Variants in KLF12 observed in about 807,000 individuals in gnomAD.
The protein encoded by KLF12 is Krueppel-like factor 12.
KLF12 carries 9 observed loss-of-function variants against 37.8 expected under a neutral mutation model. The ratio of observed to expected loss-of-function variants is 0.24; its 90% CI spans 0.14 to 0.42. The LOEUF is 0.42. Ranked by LOEUF, KLF12 falls within the 10% of genes least tolerant of loss-of-function variation. KLF12 has a pLI of 1.00. For synonymous variants in KLF12, 208 were observed against 202.1 expected (o/e 1.03, Z -0.25); for missense variants, 411 against 516.0 (o/e 0.80, Z 1.97).
the KLF12 span, among the ~76,000 whole-genome samples, chr13:74,266,139 G>A: frequency 6.6e-6 from 1 of 152,176 alleles, no homozygotes; most frequent in African/African-American, 2.4e-5. Context: ...AACTCTACCT[G>A]GCAGCCCATT....
chr13:74,124,483 A>G (rs1279225776), intron 1 of KLF12, among the ~76,000 whole-genome samples: 2 of 152,172 alleles, frequency 1.3e-5, no homozygotes, highest in African/African-American at 4.8e-5. Flanking sequence ...TTTTTTTGTC[A>G]AAGTTAAAAT....
chr13:74,104,015 C>G (rs577263308), intron 1 of KLF12, among the ~76,000 whole-genome samples: 88 of 152,228 alleles, frequency 5.8e-4, no homozygotes, highest in African/African-American at 2.0e-3. Context: ...AATAATTACC[C>G]TTAATTTTTC....
chr13:74,128,919 G>A (rs1878103607), intron 1 of KLF12, among the ~76,000 whole-genome samples: 1 of 151,870 alleles, frequency 6.6e-6, no homozygotes, highest in Admixed American at 6.6e-5. Flanking sequence ...GTGTGTGTGG[G>A]TGGGTTATGT....
At chr13:73,856,291 C>T (rs1290524148) in intron 3 of KLF12, among the ~76,000 whole-genome samples, 1 of 152,158 alleles carries the variant, frequency 6.6e-6, no homozygotes. Flanking sequence ...ACCCTCAGCT[C>T]AATGTTCCTC....
chr13:74,103,019 CTAAAG>C (rs1015693915), intron 1 of KLF12, among the ~76,000 whole-genome samples: 12 of 152,272 alleles, frequency 7.9e-5, no homozygotes, highest in African/African-American at 2.9e-4. Context: ...GTAACACACT[CTAAAG>C]TATTTATGGA....
intron 1 of KLF12, among the ~76,000 whole-genome samples, chr13:74,078,280 T>C (rs1228664802): frequency 2.6e-5 from 4 of 152,190 alleles, no homozygotes; most frequent in African/African-American, 4.8e-5. Flanking sequence ...CTTTCATAAA[T>C]TGTCACAGTG....
At chr13:74,076,794 C>A (rs1039466419) in intron 1 of KLF12, among the ~76,000 whole-genome samples, 1 of 152,140 alleles carries the variant, frequency 6.6e-6, no homozygotes, top group African/African-American at 2.4e-5. Context: ...TCTCCCTCCT[C>A]CCACCCTCCA....
At chr13:74,171,870 G>C in the KLF12 span, among the ~76,000 whole-genome samples, 2 of 152,164 alleles carry the variant, frequency 1.3e-5, no homozygotes, top group African/African-American at 2.4e-5. Context: ...TATAGTTAGT[G>C]TATAATAGAA....
the KLF12 span, among the ~76,000 whole-genome samples, chr13:74,154,059 C>A: frequency 1.6e-5 from 2 of 127,468 alleles, no homozygotes; most frequent in Non-Finnish European, 3.4e-5. Flanking sequence ...AACCCCGTCT[C>A]TAGTAAAATA....
chr13:73,690,717 T>C lies in KLF12; in HGVS notation c.*4773A>G, dbSNP rs544163632. 36 of 152,630 alleles carry C rather than the reference T, an allele frequency of 2.4e-4. No homozygotes were observed. The highest frequency in any genetic ancestry group is 8.7e-4 in the African/African-American group (36 of 41,568). 9.5% of individuals were successfully genotyped at this position (152,630 alleles called of 1,614,324 possible). A position where few individuals can be genotyped will look rare whatever the true frequency, so the allele number is the denominator to read the frequency against. The stretch of plus-strand genomic sequence containing the variant: ...TACAAGGCATATCTGAACAAGTTTT[T>C]TCTTTTTATTGTGATGAAAACTAGA... On this transcript the variant is annotated 3_prime_UTR_variant, in exon 8 of 8. Coordinates refer to ENST00000377669, the MANE Select transcript of KLF12 (RefSeq NM_007249.5).
the KLF12 span, among the ~76,000 whole-genome samples, chr13:74,201,457 T>C: frequency 6.6e-6 from 1 of 152,212 alleles, no homozygotes; most frequent in East Asian, 1.9e-4. Flanking sequence ...AAATTATGTT[T>C]TGTTCTCCTT....
chr13:73,823,776 T>A (rs1448517093), intron 4 of KLF12, among the ~76,000 whole-genome samples: 1 of 152,110 alleles, frequency 6.6e-6, no homozygotes, highest in Non-Finnish European at 1.5e-5. Flanking sequence ...AATGGTGTGA[T>A]CTTGGCTCAC....
chr13:74,241,784 T>C, the KLF12 span, among the ~76,000 whole-genome samples: 1 of 152,218 alleles, frequency 6.6e-6, no homozygotes, highest in East Asian at 1.9e-4. Flanking sequence ...AGTGAGGCAA[T>C]GCCTCGCCCT....
chr13:73,736,055 C>T (rs1328902068), intron 6 of KLF12, among the ~76,000 whole-genome samples: 1 of 151,950 alleles, frequency 6.6e-6, no homozygotes. Flanking sequence ...CCTCTCTCAC[C>T]TATGCTATCC....
At chr13:74,171,262 G>C in the KLF12 span, among the ~76,000 whole-genome samples, 1 of 152,106 alleles carries the variant, frequency 6.6e-6, no homozygotes, top group Non-Finnish European at 1.5e-5. Context: ...CACATTTTCT[G>C]CCCAAGTCTG....
At chr13:74,094,710 C>T (rs934250056) in intron 1 of KLF12, among the ~76,000 whole-genome samples, 2 of 151,940 alleles carry the variant, frequency 1.3e-5, no homozygotes, top group Non-Finnish European at 2.9e-5. Flanking sequence ...AGTGATTCTC[C>T]TGCCTCAACC....
chr13:74,260,016 G>A, the KLF12 span: 36 of 152,210 alleles, frequency 2.4e-4, no homozygotes, highest in African/African-American at 8.7e-4. Context: ...CATTTTTCTA[G>A]TGAATTTATA....
chr13:74,178,960 C>T, the KLF12 span, among the ~76,000 whole-genome samples: 3 of 152,178 alleles, frequency 2.0e-5, no homozygotes, highest in Admixed American at 2.0e-4. Context: ...AAAATATAAC[C>T]TCTAACTTAT....
chr13:74,136,057 T>C (rs1275176433), upstream of KLF12, among the ~76,000 whole-genome samples: 2 of 152,172 alleles, frequency 1.3e-5, no homozygotes, highest in Non-Finnish European at 2.9e-5. Flanking sequence ...CAGCCTAAGA[T>C]GCGTCTTAGG....
Sources: allele counts gnomAD v4.1 joint callset (sites outside exome capture counted in the v4.1 genomes callset), GRCh38; gene constraint gnomAD v4.1.1; transcripts MANE v1.5; gene names NCBI Gene and HGNC (gene_info 2026-07-23, HGNC 2026-07-21).